Variants in INSC observed in about 807,000 individuals in gnomAD.
INSC encodes INSC spindle orientation adaptor protein, also known as protein inscuteable homolog.
Under a neutral mutation model 58.6 loss-of-function variants are expected in INSC, and 67 were observed. The observed-to-expected ratio is 1.14, with a 90% confidence interval of 0.94 to 1.40. The LOEUF is 1.40. Ranked by LOEUF, INSC falls within the 40% of genes most tolerant of loss-of-function variation. The pLI is 0.00. For synonymous variants in INSC, 262 were observed against 276.1 expected, an observed-to-expected ratio of 0.95 and a Z score of 0.51; for missense variants, 714 against 692.0, an observed-to-expected ratio of 1.03 and a Z score of -0.36.
chr11:15,223,661 A>G (rs572131866), intron 8 of INSC, among the ~76,000 whole-genome samples: 1 of 152,222 alleles, frequency 6.6e-6, no homozygotes, highest in South Asian at 2.1e-4. Context: ...AAGGAATCTT[A>G]CAGCAAAGTG....
At position 15,225,681 on chromosome 11, in the gene INSC, C is replaced by A; in HGVS notation, c.1023C>A (p.Val341=). The A allele has an allele frequency of 6.2e-7, 1 of 1,614,208 alleles. No homozygotes were observed. The highest frequency in any genetic ancestry group is 8.5e-7 in the Non-Finnish European group (1 of 1,180,034). The change falls in exon 9 of 13, where the codon GTC becomes GTA. Residue 341 remains valine (V), a synonymous_variant. Coordinates refer to ENST00000379556, the MANE Select transcript of INSC (RefSeq NM_001042536.3). ...GCCAAGAGGCCTCATCAGGGGAAGT[C>A]TTCCTACTGGCCTCTGCGGCCCTTG... ...KLCQEASSGE[V]FLLASAALAN...
In INSC at chr11:15,225,677, A is replaced by G; in HGVS notation, c.1019A>G (p.Glu340Gly). ...CTGTGCCAAGAGGCCTCATCAGGGG[A>G]AGTCTTCCTACTGGCCTCTGCGGCC... Reference protein sequence around the residue: ...VKLCQEASSGEVFLLASAALA... With the variant: ...VKLCQEASSGGVFLLASAALA... Residue 340 changes from glutamate to glycine, a missense_variant, in exon 9 of 13, where the codon GAA (glutamate) becomes GGA (glycine). By Grantham distance (98) the Glu-to-Gly change is moderately conservative. Coordinates refer to ENST00000379556, the MANE Select transcript of INSC (RefSeq NM_001042536.3). 3 of 1,614,180 alleles carry G rather than the reference A, an allele frequency of 1.9e-6. No homozygotes were observed. The highest frequency in any genetic ancestry group is 1.7e-6 in the Non-Finnish European group (2 of 1,180,030).
upstream of INSC, among the ~76,000 whole-genome samples, chr11:15,114,129 A>AG (rs1373887932): frequency 7.0e-4 from 103 of 148,174 alleles, no homozygotes; most frequent in Non-Finnish European, 3.4e-4. Context: ...GAGGCGGGGG[A>AG]GGGGGAGTTG....
chr11:15,140,583 CTTTTTTT>C (rs893928175), intron 1 of INSC, among the ~76,000 whole-genome samples: 2 of 140,578 alleles, frequency 1.4e-5, no homozygotes, highest in Non-Finnish European at 3.1e-5. Context: ...TTTCTTTCTT[CTTTTTTT>C]TTTTTTTTCT....
At chr11:15,127,925 G>C (rs1434284337) in intron 1 of INSC, among the ~76,000 whole-genome samples, 1 of 152,050 alleles carries the variant, frequency 6.6e-6, no homozygotes, top group Non-Finnish European at 1.5e-5. Context: ...AACCAGAGAG[G>C]CAGAGCTTGC....
At chr11:15,268,449 T>C in the INSC span, among the ~76,000 whole-genome samples, 1 of 152,088 alleles carries the variant, frequency 6.6e-6, no homozygotes, top group African/African-American at 2.4e-5. Flanking sequence ...TAAATAGATA[T>C]GATTCTCGAT....
intron 6 of INSC, among the ~76,000 whole-genome samples, chr11:15,199,555 A>G (rs946969892): frequency 5.9e-5 from 9 of 152,198 alleles, no homozygotes; most frequent in Non-Finnish European, 7.4e-5. Context: ...CTCAGCACAC[A>G]TGGAACTGAG....
intron 1 of INSC, among the ~76,000 whole-genome samples, chr11:15,121,201 CTT>C (rs1847864338): frequency 6.6e-6 from 1 of 152,158 alleles, no homozygotes; most frequent in South Asian, 2.1e-4. Context: ...CTAATAATGT[CTT>C]TATGGCTCCC....
chr11:15,249,227 A>T (rs1270330159), downstream of INSC, among the ~76,000 whole-genome samples: 3 of 152,208 alleles, frequency 2.0e-5, no homozygotes, highest in Non-Finnish European at 4.4e-5. Context: ...GATCTGGGTA[A>T]GGTTAGGATG....
intron 5 of INSC, among the ~76,000 whole-genome samples, chr11:15,180,730 T>A (rs1404786340): frequency 6.8e-6 from 1 of 146,662 alleles, no homozygotes; most frequent in Non-Finnish European, 1.5e-5. Context: ...TTGTCCTCCA[T>A]TCATCTGCAT....
At chr11:15,165,819 G>T (rs1462314076) in intron 2 of INSC, among the ~76,000 whole-genome samples, 5 of 152,082 alleles carry the variant, frequency 3.3e-5, no homozygotes, top group Admixed American at 2.6e-4. Flanking sequence ...AGGAAGAAAG[G>T]GTGTCAGAAT....
chr11:15,248,490 CT>C, downstream of INSC, among the ~76,000 whole-genome samples: 1 of 152,264 alleles, frequency 6.6e-6, no homozygotes, highest in South Asian at 2.1e-4. Flanking sequence ...ATCAGGGGCC[CT>C]ACTTTGAGAA....
At chr11:15,205,297 CCTT>C (rs1276582822) in intron 7 of INSC, among the ~76,000 whole-genome samples, 4 of 152,212 alleles carry the variant, frequency 2.6e-5, no homozygotes, top group Non-Finnish European at 4.4e-5. Flanking sequence ...TCTATGAATT[CCTT>C]CTTTTATCAC....
intron 7 of INSC, among the ~76,000 whole-genome samples, chr11:15,214,764 A>G (rs1851151242): frequency 1.3e-5 from 2 of 152,194 alleles, no homozygotes; most frequent in South Asian, 4.1e-4. Flanking sequence ...AGGGCTCTGC[A>G]CCCATGAATA....
At chr11:15,263,380 A>C in the INSC span, among the ~76,000 whole-genome samples, 1 of 152,132 alleles carries the variant, frequency 6.6e-6, no homozygotes, top group African/African-American at 2.4e-5. Flanking sequence ...TGATTTGATG[A>C]TTTCTCAGTA....
At chr11:15,206,203 A>C (rs1850790511) in intron 7 of INSC, among the ~76,000 whole-genome samples, 1 of 152,182 alleles carries the variant, frequency 6.6e-6, no homozygotes, top group Non-Finnish European at 1.5e-5. Context: ...CAGGACAGAC[A>C]GTGGTAAGGG....
At chr11:15,150,331 T>A (rs1038414316) in intron 2 of INSC, among the ~76,000 whole-genome samples, 9 of 152,222 alleles carry the variant, frequency 5.9e-5, no homozygotes, top group African/African-American at 2.2e-4. Context: ...GTAGCAGCCA[T>A]GTCTTCTTTC....
chr11:15,147,402 C>T (rs1352492292), intron 1 of INSC, among the ~76,000 whole-genome samples: 4 of 152,218 alleles, frequency 2.6e-5, no homozygotes, highest in Admixed American at 2.6e-4. Flanking sequence ...GACCAGAGAG[C>T]TGAGCACATA....
At chr11:15,234,219 C>T (rs1269667415) in intron 9 of INSC, among the ~76,000 whole-genome samples, 1 of 152,198 alleles carries the variant, frequency 6.6e-6, no homozygotes, top group Non-Finnish European at 1.5e-5. Context: ...GCTTATCCAA[C>T]CAGGCCCCTG....
Sources: gnomAD v4.1 joint callset for allele counts (sites outside exome capture counted in the v4.1 genomes callset) on GRCh38, gnomAD v4.1.1 for gene constraint, MANE v1.5 for transcripts, NCBI Gene and HGNC (gene_info 2026-07-23, HGNC 2026-07-21) for gene names.